The following TMCO1 variants were observed in gnomAD, a reference collection of about 807,000 sequenced individuals.
TMCO1 encodes the protein calcium load-activated calcium channel.
In TMCO1, 29 loss-of-function variants were observed where a neutral mutation model predicts 29.3. The observed-to-expected ratio is 0.99, with a 90% CI of 0.74 to 1.35. The LOEUF (loss-of-function observed/expected upper bound fraction) is 1.35. TMCO1 is among the 40% of genes most tolerant of loss of function. TMCO1 has a pLI of 0.00. For missense variants in TMCO1, 173 were observed against 225.5 expected (o/e 0.77, Z 1.49); for synonymous variants, 80 against 77.1 (o/e 1.04, Z -0.20).
chr1:165,768,386 T>G (rs1411686333), intron 1 of TMCO1, 117 bp from the exon 2 acceptor site: 3 of 1,490,590 alleles, frequency 2.0e-6, no homozygotes, highest in Non-Finnish European at 2.7e-6. Flanking sequence ...TTACCCATAG[T>G]TAACTTTTTT....
chr1:165,763,053 T>C (rs566112697), intron 2 of TMCO1, among the ~76,000 whole-genome samples: 3 of 152,322 alleles, frequency 2.0e-5, no homozygotes, highest in East Asian at 3.9e-4. Context: ...TCAGTAGGAC[T>C]GCTTTTTGGA....
At position 165,726,862 on chromosome 1, in the gene TMCO1, A is replaced by C. The variant is rs1393672343; in HGVS notation, c.*1161T>G. 2.2e-6 allele frequency: 1 copy of C among 453,654 alleles called. No homozygotes were observed. The highest frequency in any genetic ancestry group is 4.4e-6 in the Non-Finnish European group (1 of 226,692). 28.1% of individuals were successfully genotyped at this position (453,654 alleles called of 1,614,324 possible). On this transcript the variant is annotated 3_prime_UTR_variant, in exon 7 of 7. Coordinates refer to ENST00000367881, the MANE Select transcript of TMCO1 (RefSeq NM_019026.6). ...TACATAAAATTCTAAGTTGATACTTATTTTCCTCAGCACTTTGAAGATACT... is the reference window on the plus strand; with the variant it reads ...TACATAAAATTCTAAGTTGATACTTCTTTTCCTCAGCACTTTGAAGATACT...
intron 3 of TMCO1, among the ~76,000 whole-genome samples, chr1:165,755,831 C>T (rs73014633): frequency 0.013 from 2,024 of 152,270 alleles, 53 homozygotes; most frequent in African/African-American, 0.047. Context: ...CTCTGTCCTA[C>T]TACTGCTGAC....
At chr1:165,765,621 G>T (rs1172227896) in intron 2 of TMCO1, among the ~76,000 whole-genome samples, 2 of 152,208 alleles carry the variant, frequency 1.3e-5, no homozygotes, top group Admixed American at 1.3e-4. Context: ...AGAGTCAGAG[G>T]TGATGTTGGA....
At position 165,727,211 on chromosome 1, in the gene TMCO1, G is replaced by A. The variant is rs926815963; in HGVS notation, c.*812C>T. 6 of 453,868 alleles carry A rather than the reference G, an allele frequency of 1.3e-5. No individual in the cohort carries two copies. The highest frequency in any genetic ancestry group is 4.0e-5 in the African/African-American group (2 of 49,974). The allele number at this position is 453,868 out of a possible 1,614,324, so 28.1% of individuals were successfully genotyped here. ...CCTTGTCTCCAAGGGAGATCTAAGA[G>A]TGCCCCCACAAGAATCTGAGAGACT... is the stretch of plus-strand genomic sequence containing the variant. On this transcript the variant is annotated 3_prime_UTR_variant, in exon 7 of 7. Coordinates refer to ENST00000367881, the MANE Select transcript of TMCO1 (RefSeq NM_019026.6).
intron 6 of TMCO1, among the ~76,000 whole-genome samples, chr1:165,729,862 A>G (rs1427354161): frequency 6.6e-6 from 1 of 152,076 alleles, no homozygotes; most frequent in Non-Finnish European, 1.5e-5. Flanking sequence ...AACAAACTCC[A>G]TTCTGTGGTA....
chr1:165,724,994 C>A, downstream of TMCO1: 1 of 94,048 alleles, frequency 1.1e-5, no homozygotes, highest in Non-Finnish European at 2.0e-5. Flanking sequence ...CTTTCTCTCT[C>A]TCTCTCTCTC....
In TMCO1 at chr1:165,727,220, C is replaced by T. The variant is rs1462835667; in HGVS notation, c.*803G>A. ...CAAGGGAGATCTAAGAGTGCCCCCA[C>T]AAGAATCTGAGAGACTGTAATAGGA... On this transcript the variant is annotated 3_prime_UTR_variant, in exon 7 of 7. Coordinates refer to ENST00000367881, the MANE Select transcript of TMCO1 (RefSeq NM_019026.6). 3 of 453,810 alleles carry T rather than the reference C, an allele frequency of 6.6e-6. No individual in the cohort carries two copies. The highest frequency in any genetic ancestry group is 4.0e-5 in the African/African-American group (2 of 49,966). The allele number at this position is 453,810 out of a possible 1,614,324, so 28.1% of individuals were successfully genotyped here.
At chr1:165,742,706 C>A (rs1651641914) in intron 6 of TMCO1, among the ~76,000 whole-genome samples, 1 of 152,218 alleles carries the variant, frequency 6.6e-6, no homozygotes, top group Non-Finnish European at 1.5e-5. Flanking sequence ...CTCTTTTTCA[C>A]TACGAATGTC....
In TMCO1 at chr1:165,743,273, G is replaced by C. The variant is rs776944318; in HGVS notation, c.362C>G (p.Pro121Arg). The change falls in exon 6 of 7, where the codon CCT (proline) becomes CGT (arginine). Residue 121 changes from proline (P) to arginine (R), a missense_variant. Transcript: ENST00000367881. ...AGACAGTCCTTGGATGTAAGAAAGA[G>C]GGGTAAAAGGAAGCTTTGCCACCAC... ...GRVVAKLPFT[P>R]LSYIQGLSHR... The C allele has an allele frequency of 3.7e-6, 6 of 1,613,228 alleles. No homozygotes were observed. Among genetic ancestry groups the C allele is most frequent in the African/African-American group, 1.3e-5 (1 of 74,770 alleles).
chr1:165,747,326 C>G (rs1322532263), intron 5 of TMCO1, among the ~76,000 whole-genome samples: 1 of 141,100 alleles, frequency 7.1e-6, no homozygotes, highest in Non-Finnish European at 1.6e-5. Context: ...TAGTAGCAAA[C>G]TAGAAAATAT....
At chr1:165,767,501 TATC>T (rs927338992) in intron 2 of TMCO1, among the ~76,000 whole-genome samples, 21 of 152,330 alleles carry the variant, frequency 1.4e-4, no homozygotes, top group African/African-American at 5.1e-4. Context: ...CATAATGACA[TATC>T]ATCCTCCAAA....
chr1:165,735,513 T>A, intron 6 of TMCO1, among the ~76,000 whole-genome samples: 1 of 2,856 alleles, frequency 3.5e-4, no homozygotes, highest in Non-Finnish European at 8.3e-4. Context: ...TCTGCTTAAT[T>A]TTTTTTTTTT....
downstream of TMCO1, chr1:165,725,208 A>C (rs535068578): frequency 5.8e-4 from 261 of 453,344 alleles, 1 homozygote; most frequent in Admixed American, 1.2e-3. Flanking sequence ...ATTGAAATAC[A>C]TAAAATAAGT....
intron 6 of TMCO1, among the ~76,000 whole-genome samples, chr1:165,736,484 G>A (rs1409371312): frequency 6.6e-6 from 1 of 152,150 alleles, no homozygotes; most frequent in Non-Finnish European, 1.5e-5. Context: ...TTGGGAGGCC[G>A]AGGCAGGTGG....
At chr1:165,750,819 C>T (rs1431122400) in intron 5 of TMCO1, among the ~76,000 whole-genome samples, 1 of 152,126 alleles carries the variant, frequency 6.6e-6, no homozygotes, top group East Asian at 1.9e-4. Context: ...CCTGTAATCC[C>T]AGCACTTTGG....
At chr1:165,729,095 A>G (rs1484647969) in intron 6 of TMCO1, among the ~76,000 whole-genome samples, 27 of 114,682 alleles carry the variant, frequency 2.4e-4, no homozygotes. Flanking sequence ...ACAGAGTGAG[A>G]TTCTGTCTAA....
chr1:165,730,044 G>A (rs1032786904), intron 6 of TMCO1, among the ~76,000 whole-genome samples: 3 of 151,846 alleles, frequency 2.0e-5, no homozygotes, highest in Admixed American at 2.0e-4. Flanking sequence ...GAGGACGGCC[G>A]GGCGCGGTGG....
At chr1:165,764,052 T>C (rs1652489936) in intron 2 of TMCO1, among the ~76,000 whole-genome samples, 1 of 152,172 alleles carries the variant, frequency 6.6e-6, no homozygotes, top group East Asian at 1.9e-4. Flanking sequence ...ATAAGGCAAA[T>C]CCATATTATA....
Sources: allele counts gnomAD v4.1 joint callset (sites outside exome capture counted in the v4.1 genomes callset), GRCh38; gene constraint gnomAD v4.1.1; transcripts MANE v1.5; gene names NCBI Gene and HGNC (gene_info 2026-07-23, HGNC 2026-07-21).